SEMA3A: variants seen among roughly 807,000 people sequenced by gnomAD.
SEMA3A encodes the protein semaphorin-3A.
A neutral mutation model predicts 97.9 loss-of-function variants in SEMA3A; 29 were observed. The ratio of observed to expected loss-of-function variants is 0.30; its 90% CI spans 0.22 to 0.40. The LOEUF is 0.40. SEMA3A is among the 10% of genes least tolerant of loss of function. The probability of loss-of-function intolerance (pLI) is 1.00; values close to 1 mark genes in which losing one functional copy is unlikely to be tolerated. For synonymous variants in SEMA3A, 321 were observed against 323.7 expected, an observed-to-expected ratio of 0.99 and a Z score of 0.09; for missense variants, 763 against 951.3, an observed-to-expected ratio of 0.80 and a Z score of 2.60.
At chr7:83,988,897 G>A (rs1283559220) in intron 12 of SEMA3A, among the ~76,000 whole-genome samples, 1 of 136,802 alleles carries the variant, frequency 7.3e-6, no homozygotes, top group Non-Finnish European at 1.5e-5. Context: ...TCTCGCTGTT[G>A]CCCAGGCTGG....
intron 2 of SEMA3A, among the ~76,000 whole-genome samples, chr7:84,342,040 A>G (rs2115990236): frequency 6.6e-6 from 1 of 151,282 alleles, no homozygotes; most frequent in Admixed American, 6.6e-5. Context: ...CCTTGTCACT[A>G]ATTTTTTTTT....
intron 3 of SEMA3A, among the ~76,000 whole-genome samples, chr7:84,305,103 C>G (rs1801119112): frequency 6.6e-6 from 1 of 151,786 alleles, no homozygotes; most frequent in Admixed American, 6.6e-5. Context: ...GTAGGCATTG[C>G]TTAAGCAAAT....
intron 2 of SEMA3A, among the ~76,000 whole-genome samples, chr7:84,326,610 G>T (rs1801780906): frequency 6.6e-6 from 1 of 151,814 alleles, no homozygotes; most frequent in African/African-American, 2.4e-5. Flanking sequence ...AAATTTATGT[G>T]GCATAAAAAT....
intron 1 of SEMA3A, among the ~76,000 whole-genome samples, chr7:84,137,218 G>T (rs1430494981): frequency 6.6e-6 from 1 of 151,904 alleles, no homozygotes; most frequent in Non-Finnish European, 1.5e-5. Flanking sequence ...GGCCAACATG[G>T]TGAAACCCTG....
At chr7:84,028,609 T>A (rs112311372) in intron 6 of SEMA3A, among the ~76,000 whole-genome samples, 26 of 145,618 alleles carry the variant, frequency 1.8e-4, no homozygotes, top group African/African-American at 3.9e-4. Flanking sequence ...TTGTTTAATT[T>A]ATTTATTTAT....
At chr7:84,198,878 T>C (rs1798295067), upstream of SEMA3A, among the ~76,000 whole-genome samples, 1 of 152,168 alleles carries the variant, frequency 6.6e-6, no homozygotes, top group Admixed American at 6.5e-5. Flanking sequence ...ACACTTCCCA[T>C]TTCACAACAG....
intron 1 of SEMA3A, among the ~76,000 whole-genome samples, chr7:84,385,801 A>G (rs990382359): frequency 2.6e-5 from 4 of 152,188 alleles, no homozygotes; most frequent in African/African-American, 9.6e-5. Context: ...TTTCACTCTT[A>G]CCATTTTTTA....
chr7:84,032,176 T>C (rs187820339), intron 6 of SEMA3A, among the ~76,000 whole-genome samples: 21 of 152,276 alleles, frequency 1.4e-4, no homozygotes, highest in Admixed American at 3.9e-4. Flanking sequence ...CGGCTTGTCC[T>C]CCGAGTTGCC....
At chr7:84,243,109 C>CT (rs1253372872) in intron 3 of SEMA3A, among the ~76,000 whole-genome samples, 2 of 152,026 alleles carry the variant, frequency 1.3e-5, no homozygotes, top group Non-Finnish European at 2.9e-5. Context: ...CTGAAATTTT[C>CT]TTTTTTTGTT....
Position 84,207,496 on chromosome 7 carries a change from C to T in SEMA3A, c.-82-12828G>A. 1.3e-5 allele frequency among the ~76,000 whole-genome samples: 2 copies of T among 152,072 alleles called. 1 individual carries two copies. Among genetic ancestry groups the T allele is most frequent in the Non-Finnish European group, 2.9e-5 (2 of 68,006 alleles). ...AAACTGGTTAAAGACCATTTTCTTA[C>T]TTAAAATATAATTGCTTAAAAGGGC... On this transcript the variant is annotated intron_variant, in intron 3 of 3. Coordinates refer to the SEMA3A transcript ENST00000424555.
At chr7:84,273,529 C>A (rs935421559) in intron 3 of SEMA3A, among the ~76,000 whole-genome samples, 2 of 152,096 alleles carry the variant, frequency 1.3e-5, no homozygotes, top group African/African-American at 4.8e-5. Context: ...CCTACGTTTA[C>A]CTGAATGTCG....
At chr7:84,485,121 T>A (rs185284568) in intron 1 of SEMA3A, among the ~76,000 whole-genome samples, 189 of 152,302 alleles carry the variant, frequency 1.2e-3, no homozygotes, top group African/African-American at 4.1e-3. Context: ...CACATGACCA[T>A]AGTAGTTACT....
chr7:84,026,354 T>G (rs1314529896), intron 6 of SEMA3A, among the ~76,000 whole-genome samples: 5 of 152,182 alleles, frequency 3.3e-5, no homozygotes, highest in African/African-American at 1.2e-4. Context: ...AATTCTCTAC[T>G]AATAATTTTT....
intron 3 of SEMA3A, among the ~76,000 whole-genome samples, chr7:84,291,291 A>G (rs912586903): frequency 6.6e-6 from 1 of 152,228 alleles, no homozygotes; most frequent in East Asian, 1.9e-4. Context: ...TATTATTTGC[A>G]TGATATAGAT....
chr7:84,268,267 G>A (rs1289327067), intron 3 of SEMA3A, among the ~76,000 whole-genome samples: 1 of 151,174 alleles, frequency 6.6e-6, no homozygotes, highest in Non-Finnish European at 1.5e-5. Context: ...GTGTGTGTGT[G>A]TGTGTGTGTG....
chr7:84,196,043 G>A (rs761219538), upstream of SEMA3A, among the ~76,000 whole-genome samples: 13 of 151,960 alleles, frequency 8.6e-5, no homozygotes, highest in Non-Finnish European at 1.5e-4. Flanking sequence ...AATCTTTAGG[G>A]GATGTATAAA....
chr7:84,235,000 A>G (rs941571522), intron 3 of SEMA3A, among the ~76,000 whole-genome samples: 5 of 152,058 alleles, frequency 3.3e-5, no homozygotes, highest in African/African-American at 1.2e-4. Flanking sequence ...GCATAAGGGG[A>G]AACTTTTACA....
intron 4 of SEMA3A, among the ~76,000 whole-genome samples, chr7:84,071,022 A>T (rs1483255255): frequency 2.6e-5 from 4 of 152,136 alleles, no homozygotes; most frequent in Non-Finnish European, 5.9e-5. Context: ...TTGCACTTTG[A>T]CCAAAAGAGA....
At position 84,140,712 on chromosome 7, in the gene SEMA3A, G is replaced by T. The variant is rs1483687027; in HGVS notation, c.113-5761C>A. On this transcript the variant is annotated intron_variant, in intron 1 of 16. Transcript: ENST00000265362. ...AGTTCAGTAAGGTCCAACAGTTTTA[G>T]ATCCTATATTTTAGTACTTCCTGGA... Among the ~76,000 whole-genome samples, 7 of 152,198 alleles carry T rather than the reference G, an allele frequency of 4.6e-5. 1 individual carries two copies. The South Asian group carries it at 1.0e-3, about 23-fold the overall frequency.
Sources: gnomAD v4.1 joint callset for allele counts (sites outside exome capture counted in the v4.1 genomes callset) on GRCh38, gnomAD v4.1.1 for gene constraint, MANE v1.5 for transcripts, NCBI Gene and HGNC (gene_info 2026-07-23, HGNC 2026-07-21) for gene names.